Variants in TNRC18 observed in about 807,000 individuals in gnomAD.
The protein encoded by TNRC18 is trinucleotide repeat-containing gene 18 protein.
A neutral mutation model predicts 226.7 loss-of-function variants in TNRC18; 69 were observed. That is an observed-to-expected ratio of 0.30 (90% CI 0.25 to 0.37). TNRC18 has a LOEUF of 0.37. Ranked by LOEUF, TNRC18 falls within the 10% of genes least tolerant of loss-of-function variation. The probability of loss-of-function intolerance (pLI) is 1.00; values close to 1 mark genes in which losing one functional copy is unlikely to be tolerated. For missense variants in TNRC18, 4,754 were observed against 4,256.6 expected (o/e 1.12, Z -3.25); for synonymous variants, 2,449 against 1,927.6 (o/e 1.27, Z -7.09).
At chr7:5,409,990 C>CAA (rs775692873) in intron 2 of TNRC18, among the ~76,000 whole-genome samples, 2 of 119,508 alleles carry the variant, frequency 1.7e-5, no homozygotes, top group Non-Finnish European at 1.8e-5. Flanking sequence ...GACTACGTCT[C>CAA]AAAAAAAAAA....
intron 2 of TNRC18, chr7:5,420,529 T>C (rs1442706494): frequency 4.5e-6 from 2 of 445,422 alleles, no homozygotes; most frequent in Non-Finnish European, 9.0e-6. Flanking sequence ...AAGGCTGGGG[T>C]CACCGTACTC....
intron 26 of TNRC18, 141 bp downstream of exon 26, chr7:5,314,843 G>T: frequency 3.2e-6 from 3 of 926,336 alleles, no homozygotes; most frequent in Non-Finnish European, 3.2e-6. Context: ...AAAGCGCTGG[G>T]ATTACAGGTG....
At chr7:5,420,585 G>A (rs1179412690) in intron 2 of TNRC18, 1 of 453,696 alleles carries the variant, frequency 2.2e-6, no homozygotes, top group Admixed American at 2.4e-5. Flanking sequence ...CTCGGTAACT[G>A]CCAGGGACCC....
At chr7:5,420,977 C>T (rs993169502) in intron 2 of TNRC18, 83 bp downstream of exon 2, 10 of 1,516,870 alleles carry the variant, frequency 6.6e-6, no homozygotes, top group South Asian at 1.2e-5. Flanking sequence ...CGCCGAGCCC[C>T]GGCCGCGAGT....
intron 19 of TNRC18, among the ~76,000 whole-genome samples, chr7:5,331,964 A>C (rs906404408): frequency 1.3e-5 from 2 of 152,182 alleles, no homozygotes; most frequent in African/African-American, 4.8e-5. Flanking sequence ...CCATTGGCAG[A>C]TGTGTTTATT....
intron 2 of TNRC18, among the ~76,000 whole-genome samples, chr7:5,397,769 C>A (rs1251771070): frequency 6.6e-6 from 1 of 152,092 alleles, no homozygotes; most frequent in African/African-American, 2.4e-5. Flanking sequence ...AACAGCCACA[C>A]GACCCAAGCA....
intron 2 of TNRC18, among the ~76,000 whole-genome samples, chr7:5,406,488 T>C (rs1156712005): frequency 6.8e-6 from 1 of 147,924 alleles, no homozygotes; most frequent in African/African-American, 2.5e-5. Context: ...TTAATGTTTT[T>C]AAAGACAAAT....
rs376096989 is a variant in TNRC18 at position 5,377,618 on chromosome 7, C to A, written c.2256-42G>T. The A allele has an allele frequency of 4.6e-5, 70 of 1,533,462 alleles. No individual in the cohort carries two copies. Among genetic ancestry groups the A allele is most frequent in the Middle Eastern group, 1.7e-4 (1 of 5,924 alleles). The allele number at this position is 1,533,462 out of a possible 1,614,324, so 95.0% of individuals were successfully genotyped here. A position where few individuals can be genotyped will look rare whatever the true frequency, so the allele number is the denominator to read the frequency against. On this transcript the variant is annotated intron_variant, in intron 6 of 29. Transcript: ENST00000430969. This position sits in a 1 kb window ranked among gnomAD's most constrained non-coding sequence, Gnocchi z 5.8. ...AGGTGTCAGCGACAGCTCGGACAGC[C>A]CAGGGGACGAGAGGGAGAAGCGGGG...
intron 2 of TNRC18, among the ~76,000 whole-genome samples, chr7:5,396,449 G>A (rs1010966242): frequency 2.0e-5 from 3 of 152,184 alleles, no homozygotes; most frequent in Non-Finnish European, 2.9e-5. Context: ...TTGAGCCCAG[G>A]AGCTGGGAGA....
chr7:5,312,894 G>A lies in TNRC18; in HGVS notation c.7997C>T (p.Ser2666Phe). 6.6e-7 allele frequency: 1 copy of A among 1,520,560 alleles called. No homozygotes were observed. The highest frequency in any genetic ancestry group is 8.8e-7 in the Non-Finnish European group (1 of 1,133,282). The allele number at this position is 1,520,560 out of a possible 1,614,324, so 94.2% of individuals were successfully genotyped here. A position where few individuals can be genotyped will look rare whatever the true frequency, so the allele number is the denominator to read the frequency against. ...SSSSSSSSSS[S>F]SSSSSTTDED... ...GTCTGTGGTGGAGGAAGAAGAGGAG[G>A]AAGAGGAGGAGGAGGAGGAGGATGA... The change falls in exon 27 of 30, where the codon TCC (serine) becomes TTC (phenylalanine). Residue 2666 changes from serine (S) to phenylalanine (F), a missense_variant. By Grantham distance (155) the Ser-to-Phe change is radical. Transcript: ENST00000430969. The surrounding 1 kb of genome is among the most constrained non-coding windows in gnomAD (Gnocchi z 6.3).
chr7:5,420,330 C>A, intron 2 of TNRC18: 1 of 455,004 alleles, frequency 2.2e-6, no homozygotes, highest in South Asian at 1.6e-5. Flanking sequence ...TCTTCTTTCC[C>A]CCTAGGTTCG....
At chr7:5,319,931 C>T (rs534650765) in intron 24 of TNRC18, among the ~76,000 whole-genome samples, 7 of 152,180 alleles carry the variant, frequency 4.6e-5, no homozygotes, top group Non-Finnish European at 7.3e-5. Context: ...AGAATCTGAC[C>T]CAGGCCCGGT....
chr7:5,374,260 G>T lies in TNRC18; in HGVS notation c.3024C>A (p.Val1008=). ...TGGACACGTCCTCCAGCTTCTGGATGACCTTGGCCTTCAGGGCAGCCACAG... is the reference window on the plus strand; with the variant it reads ...TGGACACGTCCTCCAGCTTCTGGATTACCTTGGCCTTCAGGGCAGCCACAG... ...ASPVAALKAK[V]IQKLEDVSKP... The change falls in exon 10 of 30, where the codon GTC becomes GTA. Residue 1008 remains valine, a synonymous_variant. Coordinates refer to ENST00000430969, the MANE Select transcript of TNRC18 (RefSeq NM_001080495.3). The T allele has an allele frequency of 1.3e-6, 2 of 1,496,978 alleles. No homozygotes were observed. Among genetic ancestry groups the T allele is most frequent in the Non-Finnish European group, 1.8e-6 (2 of 1,122,908 alleles). The allele number at this position is 1,496,978 out of a possible 1,614,324, so 92.7% of individuals were successfully genotyped here. A position where few individuals can be genotyped will look rare whatever the true frequency, so the allele number is the denominator to read the frequency against.
chr7:5,376,239 A>G lies in TNRC18; in HGVS notation c.2609-15T>C. 2 of 1,472,854 alleles carry G rather than the reference A, an allele frequency of 1.4e-6. No homozygotes were observed. The highest frequency in any genetic ancestry group is 1.8e-6 in the Non-Finnish European group (2 of 1,116,914). 91.2% of individuals were successfully genotyped at this position (1,472,854 alleles called of 1,614,324 possible). ...CATCAGCTCCGCTGCAGGGACAGAG[A>G]CAGTGCGCTGCACCTGCGGCCTGAT... On this transcript the variant is annotated splice_polypyrimidine_tract_variant and intron_variant, in intron 8 of 29. Transcript: ENST00000430969.
Position 5,332,872 on chromosome 7 carries a change from T to G in TNRC18, c.5897A>C (p.Glu1966Ala), listed in dbSNP as rs991431912. ...SSPDKAKLAV[E>A]KGRKARKLRG... ...CAGCTTCCGGGCCTTGCGCCCCTTC[T>G]CCACCGCCAGCTTGGCCTTGTCTGG... The change falls in exon 19 of 30, where the codon GAG becomes GCG. Residue 1966 changes from glutamate (E) to alanine (A), a missense_variant. Coordinates refer to ENST00000430969, the MANE Select transcript of TNRC18 (RefSeq NM_001080495.3). The G allele has an allele frequency of 7.3e-6, 11 of 1,515,348 alleles. No individual in the cohort carries two copies. The African/African-American group carries it at 1.4e-4, about 19-fold the overall frequency. The allele number at this position is 1,515,348 out of a possible 1,614,324, so 93.9% of individuals were successfully genotyped here. A position where few individuals can be genotyped will look rare whatever the true frequency, so the allele number is the denominator to read the frequency against.
At chr7:5,358,836 A>C (rs998832140) in intron 15 of TNRC18, among the ~76,000 whole-genome samples, 3 of 152,104 alleles carry the variant, frequency 2.0e-5, no homozygotes, top group Non-Finnish European at 4.4e-5. Context: ...ACAAAAAAAA[A>C]CTACCCCTTT....
Position 5,373,492 on chromosome 7 carries a change from T to C in TNRC18, c.3229+563A>G, listed in dbSNP as rs575088200. Reference sequence around the variant, plus strand: ...CAGGCGCCGGGCCAAGCTCAGTGATTGCCACCACTGGCCCAAGCTCACCCA... The same window carrying C: ...CAGGCGCCGGGCCAAGCTCAGTGATCGCCACCACTGGCCCAAGCTCACCCA... On this transcript the variant is annotated intron_variant, in intron 10 of 29. Coordinates refer to ENST00000430969, the MANE Select transcript of TNRC18 (RefSeq NM_001080495.3). Among the ~76,000 whole-genome samples the C allele has an allele frequency of 3.9e-5, 6 of 152,232 alleles. No individual in the cohort carries two copies. The East Asian group carries it at 1.2e-3, about 29-fold the overall frequency.
In TNRC18 at chr7:5,361,582, G is replaced by A. The variant is rs1376413846; in HGVS notation, c.4661+12C>T. On this transcript the variant is annotated intron_variant, in intron 14 of 29. Transcript: ENST00000430969. ...TGTGCCAGTCCCCGACCCACCGAGG[G>A]GCCAGCCTTACTTTCCGCTACTGTG... is the stretch of plus-strand genomic sequence containing the variant. 6.6e-7 allele frequency: 1 copy of A among 1,504,048 alleles called. No homozygotes were observed. 93.2% of individuals were successfully genotyped at this position (1,504,048 alleles called of 1,614,324 possible). A position where few individuals can be genotyped will look rare whatever the true frequency, so the allele number is the denominator to read the frequency against.
At chr7:5,314,810 C>T (rs1291566376) in intron 26 of TNRC18, among the ~76,000 whole-genome samples, 174 bp downstream of exon 26, 2 of 152,074 alleles carry the variant, frequency 1.3e-5, no homozygotes, top group African/African-American at 2.4e-5. Flanking sequence ...TGACATCAGC[C>T]GATCTGCTCG....
Sources: gnomAD v4.1 joint callset for allele counts (sites outside exome capture counted in the v4.1 genomes callset) on GRCh38, gnomAD v4.1.1 for gene constraint, Gnocchi (gnomAD v3.1) non-coding constraint, MANE v1.5 for transcripts, NCBI Gene and HGNC (gene_info 2026-07-23, HGNC 2026-07-21) for gene names.